The following USH2A variants were observed in gnomAD, a reference collection of about 807,000 sequenced individuals.
USH2A encodes the protein Usher syndrome 2A (autosomal recessive, mild).
A neutral mutation model predicts 538.9 loss-of-function variants in USH2A; 443 were observed. That is an observed-to-expected ratio of 0.82 (90% CI 0.76 to 0.89). The LOEUF is 0.89. USH2A is among the 40% of genes least tolerant of loss of function. The probability of loss-of-function intolerance (pLI) is 0.00; values close to 1 mark genes in which losing one functional copy is unlikely to be tolerated. For synonymous variants in USH2A, 2,413 were observed against 2,273.5 expected (o/e 1.06, Z -1.75); for missense variants, 6,633 against 6,324.8 (o/e 1.05, Z -1.65).
At chr1:216,302,209 C>A (rs776347996) in intron 9 of USH2A, among the ~76,000 whole-genome samples, 8 of 152,176 alleles carry the variant, frequency 5.3e-5, no homozygotes, top group Non-Finnish European at 7.3e-5. Flanking sequence ...CTGTGCTTTG[C>A]ACATGGGAGG....
At chr1:215,646,719 G>T (rs747263533) in intron 67 of USH2A, among the ~76,000 whole-genome samples, 2 of 152,096 alleles carry the variant, frequency 1.3e-5, no homozygotes, top group Non-Finnish European at 1.5e-5. Context: ...TAGAGATGGG[G>T]TTTCACCATG....
chr1:216,085,405 A>G (rs1313964777), intron 24 of USH2A, among the ~76,000 whole-genome samples: 1 of 152,016 alleles, frequency 6.6e-6, no homozygotes, highest in Non-Finnish European at 1.5e-5. Context: ...ATAGGGTGAT[A>G]ACAGAAGGTT....
intron 32 of USH2A, among the ~76,000 whole-genome samples, chr1:216,044,748 G>A (rs767254380): frequency 6.6e-5 from 10 of 152,116 alleles, no homozygotes; most frequent in Non-Finnish European, 1.0e-4. Flanking sequence ...GCTTGGGTTA[G>A]TACCAAAGCC....
chr1:216,033,890 T>C (rs532026201), intron 32 of USH2A, among the ~76,000 whole-genome samples: 2 of 152,224 alleles, frequency 1.3e-5, no homozygotes, highest in South Asian at 4.1e-4. Context: ...GGAGGAGTAA[T>C]CAAAGATTAA....
At chr1:216,227,079 AACC>A (rs2035577230) in intron 14 of USH2A, among the ~76,000 whole-genome samples, 1 of 152,198 alleles carries the variant, frequency 6.6e-6, no homozygotes, top group Non-Finnish European at 1.5e-5. Context: ...CCACCAGTGA[AACC>A]TGTTCCCTCA....
chr1:216,389,798 A>G (rs1004624308), intron 3 of USH2A, among the ~76,000 whole-genome samples: 3 of 152,110 alleles, frequency 2.0e-5, no homozygotes, highest in African/African-American at 7.2e-5. Flanking sequence ...ACACATTTTT[A>G]TTTACAGAGG....
intron 32 of USH2A, among the ~76,000 whole-genome samples, chr1:216,044,565 A>G (rs1327672705): frequency 6.6e-6 from 1 of 152,164 alleles, no homozygotes; most frequent in Non-Finnish European, 1.5e-5. Flanking sequence ...TGTACAGGAG[A>G]TAACAATTAT....
chr1:215,818,179 G>A (rs181052143), intron 47 of USH2A, among the ~76,000 whole-genome samples: 3 of 151,812 alleles, frequency 2.0e-5, no homozygotes, highest in African/African-American at 7.2e-5. Context: ...TAAATTTTGG[G>A]ACAGTCAAAA....
chr1:215,961,716 A>C (rs540876662), intron 37 of USH2A, among the ~76,000 whole-genome samples: 2 of 151,958 alleles, frequency 1.3e-5, no homozygotes, highest in East Asian at 3.9e-4. Flanking sequence ...TAAAGATGGA[A>C]ATTTAGGAGC....
rs2037468914 is a variant in USH2A, at chr1:216,314,171, GCTT to G, written c.1644+7709_1644+7711del. On this transcript the variant is annotated intron_variant, in intron 9 of 71. Transcript: ENST00000307340. ...GTTTATACTTTCACTATCTCTATTT[GCTT>G]CTTCTGTAAGGCTGTCTTAATTTAT... 2.0e-5 allele frequency among the ~76,000 whole-genome samples: 3 copies of G among 151,846 alleles called. No individual in the cohort carries two copies. In the South Asian group the frequency reaches 6.3e-4, roughly 32 times the overall value.
chr1:216,289,519 C>T lies in USH2A; in HGVS notation c.1841-109G>A, dbSNP rs552548512. The T allele has an allele frequency of 4.6e-4, 688 of 1,490,604 alleles. 4 individuals carry two copies. Among genetic ancestry groups the T allele is most frequent in the South Asian group, 2.0e-3 (173 of 86,302 alleles). 92.3% of individuals were successfully genotyped at this position (1,490,604 alleles called of 1,614,324 possible). ...TGAGGGAATTCTATAATTTTCGGAA[C>T]GTCCGTTTTAATGCACCTTTCATCT... On this transcript the variant is annotated intron_variant, in intron 10 of 71. Coordinates refer to ENST00000307340, the MANE Select transcript of USH2A (RefSeq NM_206933.4).
chr1:215,930,966 G>C (rs909059477), intron 38 of USH2A, among the ~76,000 whole-genome samples: 1 of 151,696 alleles, frequency 6.6e-6, no homozygotes, highest in African/African-American at 2.4e-5. Flanking sequence ...GAATACCTTA[G>C]TGCTAAATAT....
chr1:216,320,979 TG>T (rs1466458811), intron 9 of USH2A, among the ~76,000 whole-genome samples: 1 of 152,114 alleles, frequency 6.6e-6, no homozygotes, highest in African/African-American at 2.4e-5. Context: ...TGTTTCTGTT[TG>T]TATTTCATTT....
At position 216,130,367 on chromosome 1, in the gene USH2A, T is replaced by A. The variant is rs111741189; in HGVS notation, c.4628-33154A>T. Among the ~76,000 whole-genome samples, 659 of 151,794 alleles carry A rather than the reference T, an allele frequency of 4.3e-3. 1 individual carries two copies. Among genetic ancestry groups the A allele is most frequent in the African/African-American group, 0.015 (633 of 41,416 alleles). On this transcript the variant is annotated intron_variant, in intron 21 of 71. Coordinates refer to ENST00000307340, the MANE Select transcript of USH2A (RefSeq NM_206933.4). ...ATTGTGTTATTCTTATGCCTTTGCATTATCATAACTTAGCTCCCACTTTTG... is the reference window on the plus strand; with the variant it reads ...ATTGTGTTATTCTTATGCCTTTGCAATATCATAACTTAGCTCCCACTTTTG...
intron 47 of USH2A, among the ~76,000 whole-genome samples, chr1:215,829,339 G>A (rs1663248123): frequency 6.6e-6 from 1 of 152,142 alleles, no homozygotes; most frequent in Non-Finnish European, 1.5e-5. Flanking sequence ...ATAAGTTAAG[G>A]CCAAAGACAA....
At chr1:216,212,809 G>A (rs1017086430) in intron 15 of USH2A, among the ~76,000 whole-genome samples, 7 of 151,834 alleles carry the variant, frequency 4.6e-5, no homozygotes, top group Non-Finnish European at 7.4e-5. Flanking sequence ...GTGCTGGAAG[G>A]CATCCTTGAT....
At chr1:216,196,819 C>A (rs1240996479) in intron 18 of USH2A, 97 bp from the exon 19 acceptor site, 1 of 1,369,870 alleles carries the variant, frequency 7.3e-7, no homozygotes, top group Non-Finnish European at 1.0e-6. Context: ...TTCTGAAATA[C>A]CTTTACCTTT....
At chr1:216,109,670 T>C (rs1376779876) in intron 21 of USH2A, among the ~76,000 whole-genome samples, 2 of 152,180 alleles carry the variant, frequency 1.3e-5, no homozygotes, top group Non-Finnish European at 2.9e-5. Flanking sequence ...TTGACTCCAG[T>C]CAATTTGTAG....
chr1:215,869,183 A>G (rs1664560592), intron 43 of USH2A, among the ~76,000 whole-genome samples: 1 of 152,218 alleles, frequency 6.6e-6, no homozygotes, highest in Non-Finnish European at 1.5e-5. Flanking sequence ...AACAAGGCTC[A>G]GAGAGATAAA....
Sources: gnomAD v4.1 joint callset for allele counts (sites outside exome capture counted in the v4.1 genomes callset) on GRCh38, gnomAD v4.1.1 for gene constraint, MANE v1.5 for transcripts, NCBI Gene and HGNC (gene_info 2026-07-23, HGNC 2026-07-21) for gene names.